FARP2: variants seen among roughly 807,000 people sequenced by gnomAD.
The protein encoded by FARP2 is FERM, ARH/RhoGEF and pleckstrin domain protein 2.
A neutral mutation model predicts 130.5 loss-of-function variants in FARP2; 111 were observed. The observed-to-expected ratio is 0.85, with a 90% CI of 0.73 to 1.00. FARP2 has a LOEUF of 1.00. Among genes scored for constraint, FARP2 ranks in the 50% least tolerant of loss-of-function variants. The probability of loss-of-function intolerance (pLI) is 0.00; values close to 1 mark genes in which losing one functional copy is unlikely to be tolerated. For synonymous variants in FARP2, 504 were observed against 516.9 expected (o/e 0.98, Z 0.34); for missense variants, 1,385 against 1,346.3 (o/e 1.03, Z -0.45).
At chr2:241,427,828 C>T (rs1300154991) in intron 8 of FARP2, among the ~76,000 whole-genome samples, 3 of 151,956 alleles carry the variant, frequency 2.0e-5, no homozygotes, top group Admixed American at 6.6e-5. Flanking sequence ...TACAGTGGCG[C>T]GATCTCAGCT....
chr2:241,436,438 A>G, intron 11 of FARP2, 43 bp from the exon 12 acceptor site: 1 of 1,587,536 alleles, frequency 6.3e-7, no homozygotes, highest in South Asian at 1.1e-5. Context: ...GGCGCTGAGA[A>G]GGGGAGGGCT....
chr2:241,457,237 T>TCTTC (rs916324623), intron 14 of FARP2, among the ~76,000 whole-genome samples: 5 of 152,150 alleles, frequency 3.3e-5, no homozygotes, highest in Admixed American at 6.5e-5. Context: ...CCTCCCCCAC[T>TCTTC]CTTCCTTCCT....
Position 241,459,580 on chromosome 2 carries a change from C to A in FARP2, c.1587+2658C>A, listed in dbSNP as rs2063956810. Among the ~76,000 whole-genome samples the A allele has an allele frequency of 6.6e-6, 1 of 152,212 alleles. No homozygotes were observed. On this transcript the variant is annotated intron_variant, in intron 14 of 26. Coordinates refer to ENST00000264042, the MANE Select transcript of FARP2 (RefSeq NM_014808.4). The surrounding 1 kb of genome is among the most constrained non-coding windows in gnomAD (Gnocchi z 5.3). ...CGAAAGGTAGGAAAGCCAAAGGTGG[C>A]AGAAGCCTCTTCCACGCTCTGCATG...
At chr2:241,442,123 C>G (rs545510911) in intron 13 of FARP2, 1 of 414,212 alleles carries the variant, frequency 2.4e-6, no homozygotes, top group East Asian at 7.1e-5. Context: ...CCTGCTGGGT[C>G]CTTCTGAGAC....
intron 2 of FARP2, among the ~76,000 whole-genome samples, chr2:241,375,529 T>C (rs1340286921): frequency 6.6e-6 from 1 of 152,212 alleles, no homozygotes; most frequent in Admixed American, 6.5e-5. Flanking sequence ...AATTCACCTT[T>C]ACTGAGTATG....
intron 13 of FARP2, among the ~76,000 whole-genome samples, chr2:241,453,393 C>G (rs371291614): frequency 1.3e-5 from 2 of 151,578 alleles, no homozygotes; most frequent in South Asian, 2.1e-4. Flanking sequence ...GAGGCCAAGG[C>G]GGGCAGATCA....
intron 13 of FARP2, among the ~76,000 whole-genome samples, chr2:241,449,852 C>A (rs185403403): frequency 7.3e-4 from 111 of 151,948 alleles, no homozygotes; most frequent in Non-Finnish European, 1.0e-3. Context: ...CACACACACA[C>A]AAAAATTAGC....
rs1373609619 is a variant in FARP2, at chr2:241,437,674, T to TTTATTTATTTA, written c.1158+1138_1158+1139insATTTATTTATT. ...TATTTATTTATTTATTTATTTATTT[T>TTTATTTATTTA]TTTTTTTTGAGACGGAGTCTTGCTC... is the stretch of plus-strand genomic sequence containing the variant. On this transcript the variant is annotated intron_variant, in intron 12 of 26. Coordinates refer to ENST00000264042, the MANE Select transcript of FARP2 (RefSeq NM_014808.4). Among the ~76,000 whole-genome samples the TTTATTTATTTA allele has an allele frequency of 2.3e-3, 312 of 136,244 alleles. No individual in the cohort carries two copies. The South Asian group carries it at 0.029, about 13-fold the overall frequency. 89.4% of individuals were successfully genotyped at this position (136,244 alleles called of 152,430 possible). A position where few individuals can be genotyped will look rare whatever the true frequency, so the allele number is the denominator to read the frequency against.
At position 241,405,708 on chromosome 2, in the gene FARP2, C is replaced by A. The variant is rs552036751; in HGVS notation, c.331+867C>A. On this transcript the variant is annotated intron_variant, in intron 4 of 26. Transcript: ENST00000264042. ...TAGCAATTTGGGAGGCCCAAGCGGGCAGATCACCTGAGGTCAGGAGTTCGA... is the reference window on the plus strand; with the variant it reads ...TAGCAATTTGGGAGGCCCAAGCGGGAAGATCACCTGAGGTCAGGAGTTCGA... Among the ~76,000 whole-genome samples, 18 of 152,278 alleles carry A rather than the reference C, an allele frequency of 1.2e-4. No homozygotes were observed. In the East Asian group the frequency reaches 1.5e-3, roughly 13 times the overall value.
intron 13 of FARP2, among the ~76,000 whole-genome samples, chr2:241,451,273 C>A (rs932745972): frequency 4.6e-5 from 7 of 152,264 alleles, no homozygotes; most frequent in African/African-American, 1.7e-4. Flanking sequence ...CACTCCTGGC[C>A]AATTTGCCGC....
At chr2:241,372,977 A>G (rs2061456077) in intron 1 of FARP2, 107 bp from the exon 2 acceptor site, 2 of 487,582 alleles carry the variant, frequency 4.1e-6, no homozygotes, top group Admixed American at 8.7e-5. Flanking sequence ...AAGTTGCAGT[A>G]ATAGTACAGA....
At chr2:241,382,357 C>T (rs557074928) in intron 2 of FARP2, among the ~76,000 whole-genome samples, 3 of 141,860 alleles carry the variant, frequency 2.1e-5, no homozygotes, top group East Asian at 4.3e-4. Flanking sequence ...TGCGGTGGTG[C>T]AATCCAACCT....
rs999335521 is a variant in FARP2 at position 241,493,093 on chromosome 2, C to T, written c.2895+57C>T. On this transcript the variant is annotated intron_variant, in intron 25 of 26. Transcript: ENST00000264042. ...TGATGCTAGCAGACAGACACTTAAC[C>T]CTGCTCACCTGTGTCCCTTTTGTAT... 7.0e-6 allele frequency: 8 copies of T among 1,138,804 alleles called. No individual in the cohort carries two copies. The African/African-American group carries it at 1.1e-4, about 15-fold the overall frequency. The allele number at this position is 1,138,804 out of a possible 1,614,324, so 70.5% of individuals were successfully genotyped here.
At chr2:241,390,695 C>T (rs2061885240) in intron 2 of FARP2, among the ~76,000 whole-genome samples, 1 of 151,664 alleles carries the variant, frequency 6.6e-6, no homozygotes, top group Non-Finnish European at 1.5e-5. Context: ...TAATTTTTTC[C>T]CATTTTTATT....
chr2:241,376,441 A>G (rs2150306306), intron 2 of FARP2, among the ~76,000 whole-genome samples: 1 of 152,336 alleles, frequency 6.6e-6, no homozygotes, highest in African/African-American at 2.4e-5. Flanking sequence ...ACCAGGATAC[A>G]GCCTCTGGAA....
At chr2:241,368,370 AG>A (rs953666491) in intron 1 of FARP2, among the ~76,000 whole-genome samples, 2 of 152,130 alleles carry the variant, frequency 1.3e-5, no homozygotes, top group Non-Finnish European at 2.9e-5. Context: ...AGGGATGGGC[AG>A]AGGTTGGCAC....
At chr2:241,392,743 C>T (rs1455019243) in intron 2 of FARP2, among the ~76,000 whole-genome samples, 1 of 151,804 alleles carries the variant, frequency 6.6e-6, no homozygotes, top group Non-Finnish European at 1.5e-5. Flanking sequence ...AGTTTGAGGC[C>T]AGCCCAGCCA....
chr2:241,443,701 G>C (rs2063447755), intron 13 of FARP2: 1 of 152,302 alleles, frequency 6.6e-6, no homozygotes, highest in Admixed American at 6.5e-5. Flanking sequence ...GCACCCACAA[G>C]TGCCGGTCTC....
intron 19 of FARP2, among the ~76,000 whole-genome samples, chr2:241,480,532 G>T (rs763656099): frequency 5.2e-4 from 77 of 149,270 alleles, no homozygotes; most frequent in Non-Finnish European, 8.9e-4. Flanking sequence ...CTTGTGTTGT[G>T]TTTTTTTTTT....
Sources: gnomAD v4.1 joint callset for allele counts (sites outside exome capture counted in the v4.1 genomes callset) on GRCh38, gnomAD v4.1.1 for gene constraint, Gnocchi (gnomAD v3.1) non-coding constraint, MANE v1.5 for transcripts, NCBI Gene and HGNC (gene_info 2026-07-23, HGNC 2026-07-21) for gene names.